LRIG1: variants seen among roughly 807,000 people sequenced by gnomAD.
LRIG1 encodes the protein leucine-rich repeats and immunoglobulin-like domains protein 1.
In LRIG1, 48 loss-of-function variants were observed where a neutral mutation model predicts 99.2. The ratio of observed to expected loss-of-function variants is 0.48; its 90% CI spans 0.38 to 0.62. LRIG1 has a LOEUF of 0.62. Among genes scored for constraint, LRIG1 ranks in the 20% least tolerant of loss-of-function variants. LRIG1 has a pLI of 0.00. For synonymous variants in LRIG1, 772 were observed against 596.1 expected, an observed-to-expected ratio of 1.29 and a Z score of -4.30; for missense variants, 1,646 against 1,434.4, an observed-to-expected ratio of 1.15 and a Z score of -2.38.
chr3:66,406,006 C>G, intron 8 of LRIG1: 1 of 989,844 alleles, frequency 1.0e-6, no homozygotes, highest in Middle Eastern at 2.9e-4. Context: ...AGGCCCCCAT[C>G]CTGCCCTCTC....
intron 3 of LRIG1, among the ~76,000 whole-genome samples, chr3:66,433,132 A>G (rs1470216159): frequency 1.3e-5 from 2 of 152,174 alleles, no homozygotes; most frequent in South Asian, 4.1e-4. Flanking sequence ...CACAGAACTG[A>G]GCACTCTCCA....
intron 4 of LRIG1, among the ~76,000 whole-genome samples, chr3:66,416,809 G>GA (rs1702628842): frequency 6.6e-6 from 1 of 152,220 alleles, no homozygotes; most frequent in African/African-American, 2.4e-5. Context: ...AAGGAAATGG[G>GA]AAAAAAAGCA....
At chr3:66,467,335 C>T (rs1399901852) in intron 1 of LRIG1, among the ~76,000 whole-genome samples, 3 of 150,422 alleles carry the variant, frequency 2.0e-5, no homozygotes, top group Non-Finnish European at 3.0e-5. Context: ...ATTAAGAATT[C>T]AGTTCCTTGG....
At chr3:66,471,133 A>G (rs992565644) in intron 1 of LRIG1, among the ~76,000 whole-genome samples, 2 of 152,136 alleles carry the variant, frequency 1.3e-5, no homozygotes, top group Admixed American at 6.5e-5. Context: ...CACAAAGGGA[A>G]TATCACCATG....
intron 9 of LRIG1, among the ~76,000 whole-genome samples, chr3:66,404,862 G>A (rs1187232492): frequency 3.9e-5 from 6 of 152,154 alleles, no homozygotes; most frequent in Non-Finnish European, 8.8e-5. Flanking sequence ...GAGAAACCCA[G>A]TAACAGGGCA....
At chr3:66,497,562 T>C (rs1701255036) in intron 1 of LRIG1, among the ~76,000 whole-genome samples, 1 of 152,138 alleles carries the variant, frequency 6.6e-6, no homozygotes, top group African/African-American at 2.4e-5. Context: ...GCTGAAAAGT[T>C]ATCCTCAGGC....
chr3:66,480,406 C>T (rs1335378833), intron 1 of LRIG1, among the ~76,000 whole-genome samples: 1 of 151,798 alleles, frequency 6.6e-6, no homozygotes, highest in African/African-American at 2.4e-5. Flanking sequence ...ATACTAAAAA[C>T]CCAGAATCCT....
At chr3:66,480,970 G>A (rs988529021) in intron 1 of LRIG1, among the ~76,000 whole-genome samples, 1 of 152,186 alleles carries the variant, frequency 6.6e-6, no homozygotes, top group African/African-American at 2.4e-5. Context: ...GCTATTTCTG[G>A]AAAGTCCCTC....
chr3:66,393,754 T>C (rs940568014), intron 12 of LRIG1, among the ~76,000 whole-genome samples: 3 of 152,216 alleles, frequency 2.0e-5, no homozygotes, highest in Non-Finnish European at 4.4e-5. Context: ...AGAGCCCTTC[T>C]GAAACAACAG....
chr3:66,446,101 T>C (rs900859796), intron 3 of LRIG1, among the ~76,000 whole-genome samples: 50 of 152,314 alleles, frequency 3.3e-4, no homozygotes, highest in African/African-American at 1.1e-3. Flanking sequence ...GTAAAGAAGA[T>C]TGATTTCGCC....
Position 66,407,532 on chromosome 3 carries a change from T to C in LRIG1, c.936-41A>G, listed in dbSNP as rs757990830. ...GCAGCAATGTCACCATCTAGTGTGG[T>C]TGCCCCCCAACCCCACCCCACCGGA... On this transcript the variant is annotated intron_variant, in intron 7 of 18. Coordinates refer to ENST00000273261, the MANE Select transcript of LRIG1 (RefSeq NM_015541.3). 15 of 1,605,830 alleles carry C rather than the reference T, an allele frequency of 9.3e-6. No individual in the cohort carries two copies. In the South Asian group the frequency reaches 9.9e-5, roughly 11 times the overall value.
intron 2 of LRIG1, among the ~76,000 whole-genome samples, chr3:66,455,792 CTAAT>C (rs1413013105): frequency 6.6e-6 from 1 of 152,172 alleles, no homozygotes; most frequent in Non-Finnish European, 1.5e-5. Flanking sequence ...TGTATACTAA[CTAAT>C]TGATGTGGTG....
chr3:66,404,159 G>A, intron 9 of LRIG1: 1 of 929,166 alleles, frequency 1.1e-6, no homozygotes, highest in Admixed American at 2.3e-5. Flanking sequence ...CAGGACCCTT[G>A]TATATAAAAG....
intron 3 of LRIG1, among the ~76,000 whole-genome samples, chr3:66,435,208 T>C (rs1031077276): frequency 6.6e-6 from 1 of 152,192 alleles, no homozygotes; most frequent in African/African-American, 2.4e-5. Flanking sequence ...TACTTTATTA[T>C]TCCATTATAT....
chr3:66,496,214 T>A (rs975728305), intron 1 of LRIG1, among the ~76,000 whole-genome samples: 3 of 152,210 alleles, frequency 2.0e-5, no homozygotes, highest in African/African-American at 7.2e-5. Context: ...AACAGTCCCT[T>A]GAAAAGCGGG....
At chr3:66,409,064 C>G (rs948192801) in intron 7 of LRIG1, among the ~76,000 whole-genome samples, 2 of 151,860 alleles carry the variant, frequency 1.3e-5, no homozygotes, top group African/African-American at 4.8e-5. Flanking sequence ...ACATTAGATT[C>G]ACGCATCCCC....
intron 3 of LRIG1, among the ~76,000 whole-genome samples, chr3:66,425,112 G>A (rs559054302): frequency 3.2e-4 from 49 of 152,336 alleles, no homozygotes; most frequent in African/African-American, 1.1e-3. Flanking sequence ...GTCTGCTGGA[G>A]CTTGCCCAAG....
chr3:66,479,967 T>A (rs1421804655), intron 1 of LRIG1, among the ~76,000 whole-genome samples: 1 of 152,210 alleles, frequency 6.6e-6, no homozygotes, highest in Non-Finnish European at 1.5e-5. Context: ...CCGAGGTATA[T>A]ACTCAAGTGA....
At chr3:66,418,652 C>A (rs998101220) in intron 3 of LRIG1, among the ~76,000 whole-genome samples, 3 of 152,222 alleles carry the variant, frequency 2.0e-5, no homozygotes, top group Non-Finnish European at 4.4e-5. Flanking sequence ...GTGTCAGCAT[C>A]TCTGGCCAAT....
Sources: gnomAD v4.1 joint callset for allele counts (sites outside exome capture counted in the v4.1 genomes callset) on GRCh38, gnomAD v4.1.1 for gene constraint, MANE v1.5 for transcripts, NCBI Gene and HGNC (gene_info 2026-07-23, HGNC 2026-07-21) for gene names.